Variants in TGFBR2 observed in about 807,000 individuals in gnomAD.
TGFBR2 encodes transforming growth factor beta receptor 2.
A neutral mutation model predicts 49.0 loss-of-function variants in TGFBR2; 18 were observed. The ratio of observed to expected loss-of-function variants is 0.37; its 90% CI spans 0.25 to 0.54. The LOEUF is 0.54. TGFBR2 is among the 20% of genes least tolerant of loss of function. The pLI is 0.85. For missense variants in TGFBR2, 525 were observed against 722.6 expected, an observed-to-expected ratio of 0.73 and a Z score of 3.13; for synonymous variants, 282 against 275.9, an observed-to-expected ratio of 1.02 and a Z score of -0.22.
rs1206201983 is a variant in TGFBR2 at position 30,672,115 on chromosome 3, AGGAGCGGAAGACGGAGTTGG to A, written c.936_955del (p.Arg313ThrfsTer45). On this transcript the variant is annotated frameshift_variant, in exon 4 of 7. Transcript: ENST00000295754. LOFTEE classifies it high-confidence loss of function. The surrounding 1 kb of genome is among the most constrained non-coding windows in gnomAD (Gnocchi z 4.5). Reference sequence around the variant, plus strand: ...AACATACTCCAGTTCCTGACGGCTGAGGAGCGGAAGACGGAGTTGGGGAAACAATACTGGCTGATCACCGC... The same window carrying A: ...AACATACTCCAGTTCCTGACGGCTGAGGAAACAATACTGGCTGATCACCGC... The A allele has an allele frequency of 6.2e-7, 1 of 1,614,226 alleles. No homozygotes were observed.
At chr3:30,691,290 G>A in intron 6 of TGFBR2, 130 bp from the exon 7 acceptor site, 4 of 988,042 alleles carry the variant, frequency 4.0e-6, no homozygotes, top group Non-Finnish European at 6.2e-6. Flanking sequence ...CACTCAGTCA[G>A]CACATGTTAA....
At chr3:30,687,737 G>A (rs9843143) in intron 5 of TGFBR2, among the ~76,000 whole-genome samples, 1 of 151,916 alleles carries the variant, frequency 6.6e-6, no homozygotes, top group African/African-American at 2.4e-5. Context: ...ATAACTTTTC[G>A]TACCCTTTCC....
chr3:30,691,329 C>A lies in TGFBR2; in HGVS notation c.1525-91C>A, dbSNP rs2276767. The A allele has an allele frequency of 0.29, 409,354 of 1,427,188 alleles. 64,140 individuals carry two copies. Among genetic ancestry groups the A allele is most frequent in the Non-Finnish European group, 0.33 (335,113 of 1,030,014 alleles). The allele number at this position is 1,427,188 out of a possible 1,614,324, so 88.4% of individuals were successfully genotyped here. A position where few individuals can be genotyped will look rare whatever the true frequency, so the allele number is the denominator to read the frequency against. On this transcript the variant is annotated intron_variant, in intron 6 of 6. Transcript: ENST00000295754. ...CACAGGCACTTTTGGACCCTGCTTG[C>A]ACTCACTATAGCAACAAGGTCAGCA...
intron 1 of TGFBR2, among the ~76,000 whole-genome samples, chr3:30,639,748 TC>T (rs1352814745): frequency 6.6e-6 from 1 of 151,866 alleles, no homozygotes; most frequent in Admixed American, 6.6e-5. Context: ...TTTCTGAGTT[TC>T]CCCCCACAAA....
intron 1 of TGFBR2, among the ~76,000 whole-genome samples, chr3:30,642,248 C>G (rs568856678): frequency 4.6e-5 from 7 of 152,150 alleles, no homozygotes; most frequent in African/African-American, 1.4e-4. Flanking sequence ...CTAATTCCAG[C>G]TATATCCAGG....
chr3:30,619,599 C>T (rs1009918689), intron 1 of TGFBR2, among the ~76,000 whole-genome samples: 2 of 152,132 alleles, frequency 1.3e-5, no homozygotes, highest in Non-Finnish European at 2.9e-5. Context: ...TCCCTCATGC[C>T]CTGGTTCCAC....
chr3:30,664,551 A>G (rs192893900), intron 3 of TGFBR2, among the ~76,000 whole-genome samples: 53 of 152,356 alleles, frequency 3.5e-4, no homozygotes, highest in Admixed American at 1.2e-3. Context: ...TGCCATAAAA[A>G]AAAATACAAA....
At chr3:30,666,122 T>C (rs1026630837) in intron 3 of TGFBR2, among the ~76,000 whole-genome samples, 1 of 152,220 alleles carries the variant, frequency 6.6e-6, no homozygotes, top group Non-Finnish European at 1.5e-5. Flanking sequence ...TTTTGCCCAT[T>C]CAAATTCACA....
At chr3:30,606,534 T>C (rs1559443374), upstream of TGFBR2, 2 of 271,412 alleles carry the variant, frequency 7.4e-6, no homozygotes, top group Non-Finnish European at 1.4e-5. Flanking sequence ...CGGAGAGAGG[T>C]CCTGCCCAGC....
chr3:30,611,694 G>A (rs2125443715), intron 1 of TGFBR2, among the ~76,000 whole-genome samples: 1 of 151,290 alleles, frequency 6.6e-6, no homozygotes. Context: ...TTATGTTTTG[G>A]TTTATAAGGG....
chr3:30,687,503 C>T (rs1699643345), intron 5 of TGFBR2, among the ~76,000 whole-genome samples: 1 of 152,142 alleles, frequency 6.6e-6, no homozygotes, highest in Admixed American at 6.5e-5. Context: ...GGATTACACA[C>T]ATGAGCCACA....
chr3:30,662,700 T>C (rs1056578875), intron 3 of TGFBR2, among the ~76,000 whole-genome samples: 1 of 152,156 alleles, frequency 6.6e-6, no homozygotes, highest in Non-Finnish European at 1.5e-5. Flanking sequence ...GGGAAGCATA[T>C]CTCATTCTAC....
chr3:30,607,892 G>T (rs568513435), intron 1 of TGFBR2, among the ~76,000 whole-genome samples: 3 of 146,010 alleles, frequency 2.1e-5, no homozygotes, highest in Non-Finnish European at 4.5e-5. Context: ...AGGAATGGGG[G>T]TTCTTAACTA....
At chr3:30,633,315 A>G (rs1275091367) in intron 1 of TGFBR2, among the ~76,000 whole-genome samples, 1 of 152,236 alleles carries the variant, frequency 6.6e-6, no homozygotes, top group Non-Finnish European at 1.5e-5. Context: ...TTTGGTCTGC[A>G]TTCGATAAAT....
At chr3:30,688,990 G>C (rs1182580837) in intron 6 of TGFBR2, among the ~76,000 whole-genome samples, 2 of 152,188 alleles carry the variant, frequency 1.3e-5, no homozygotes, top group Non-Finnish European at 2.9e-5. Context: ...GTGTTTGCAG[G>C]CTGTGCTCAC....
chr3:30,668,426 A>C lies in TGFBR2; in HGVS notation c.455-3212A>C, dbSNP rs1426752580. 3.3e-5 allele frequency among the ~76,000 whole-genome samples: 5 copies of C among 152,122 alleles called. No individual in the cohort carries two copies. The East Asian group carries it at 9.6e-4, about 29-fold the overall frequency. On this transcript the variant is annotated intron_variant, in intron 3 of 6. Coordinates refer to ENST00000295754, the MANE Select transcript of TGFBR2 (RefSeq NM_003242.6). ...TGGATACCACATATAATAGAGGTGG[A>C]GTTTCAGGCAGGGAGCATTGTGGAA...
chr3:30,685,145 T>A (rs1699600289), intron 5 of TGFBR2, among the ~76,000 whole-genome samples: 1 of 152,220 alleles, frequency 6.6e-6, no homozygotes, highest in South Asian at 2.1e-4. Flanking sequence ...TAGGGATTGT[T>A]GTTGATAGTC....
intron 2 of TGFBR2, among the ~76,000 whole-genome samples, chr3:30,649,515 T>C (rs1698841467): frequency 6.6e-6 from 1 of 152,240 alleles, no homozygotes; most frequent in Non-Finnish European, 1.5e-5. Flanking sequence ...GAAGTGATAC[T>C]GTCAAAGTAG....
intron 1 of TGFBR2, 91 bp downstream of exon 1, chr3:30,607,068 AC>A: frequency 8.7e-7 from 1 of 1,155,960 alleles, no homozygotes; most frequent in Non-Finnish European, 1.2e-6. Flanking sequence ...GGGCCCGGCA[AC>A]CCGGCCCCCG....
Sources: allele counts gnomAD v4.1 joint callset (sites outside exome capture counted in the v4.1 genomes callset), GRCh38; gene constraint gnomAD v4.1.1; non-coding constraint Gnocchi (gnomAD v3.1); transcripts MANE v1.5; gene names NCBI Gene and HGNC (gene_info 2026-07-23, HGNC 2026-07-21).